Variants in TMEM117 observed in about 807,000 individuals in gnomAD.
TMEM117 encodes transmembrane protein 117.
Under a neutral mutation model 52.4 loss-of-function variants are expected in TMEM117, and 27 were observed. The observed-to-expected ratio is 0.51, with a 90% CI of 0.38 to 0.71. The LOEUF is 0.71. Ranked by LOEUF, TMEM117 falls within the 30% of genes least tolerant of loss-of-function variation. The probability of loss-of-function intolerance (pLI) is 0.00; values close to 1 mark genes in which losing one functional copy is unlikely to be tolerated. For synonymous variants in TMEM117, 215 were observed against 206.3 expected, an observed-to-expected ratio of 1.04 and a Z score of -0.36; for missense variants, 556 against 630.5, an observed-to-expected ratio of 0.88 and a Z score of 1.26.
At chr12:43,955,654 GA>G (rs951143684) in intron 3 of TMEM117, among the ~76,000 whole-genome samples, 30 of 152,292 alleles carry the variant, frequency 2.0e-4, no homozygotes, top group African/African-American at 7.2e-4. Context: ...CAGGCAGATG[GA>G]AAAACATTCC....
chr12:43,824,555 T>C, the TMEM117 span, among the ~76,000 whole-genome samples: 1 of 152,156 alleles, frequency 6.6e-6, no homozygotes, highest in Non-Finnish European at 1.5e-5. Flanking sequence ...CAAACCATTG[T>C]CATGCTTGCT....
chr12:43,994,434 C>T (rs931842996), intron 3 of TMEM117, among the ~76,000 whole-genome samples: 4 of 152,104 alleles, frequency 2.6e-5, no homozygotes, highest in African/African-American at 9.7e-5. Context: ...GATTTTAAGC[C>T]TAGCATTTGA....
chr12:44,089,589 T>C (rs1456413828), intron 3 of TMEM117, among the ~76,000 whole-genome samples: 1 of 152,152 alleles, frequency 6.6e-6, no homozygotes, highest in African/African-American at 2.4e-5. Context: ...TCTGCACTTT[T>C]GCTCATGTGA....
At chr12:44,190,388 A>C (rs1429593668) in intron 4 of TMEM117, among the ~76,000 whole-genome samples, 1 of 152,144 alleles carries the variant, frequency 6.6e-6, no homozygotes, top group Non-Finnish European at 1.5e-5. Context: ...ATTTAGAAAA[A>C]ATACAGAGTT....
intron 6 of TMEM117, among the ~76,000 whole-genome samples, chr12:44,321,883 A>C (rs1193405225): frequency 1.3e-5 from 2 of 152,234 alleles, no homozygotes; most frequent in African/African-American, 2.4e-5. Context: ...GTATCTTTAA[A>C]TATGCATTTA....
chr12:44,156,075 A>G (rs1467640829), intron 4 of TMEM117, among the ~76,000 whole-genome samples: 1 of 152,084 alleles, frequency 6.6e-6, no homozygotes, highest in African/African-American at 2.4e-5. Context: ...GCTTAGCACT[A>G]ATTCCACCCA....
At chr12:43,890,607 C>A (rs577879125) in intron 2 of TMEM117, among the ~76,000 whole-genome samples, 1 of 152,218 alleles carries the variant, frequency 6.6e-6, no homozygotes, top group Admixed American at 6.5e-5. Context: ...TCTCGGCTCA[C>A]TGCAACCTCC....
intron 3 of TMEM117, among the ~76,000 whole-genome samples, chr12:44,033,676 G>C (rs971323934): frequency 6.6e-6 from 1 of 152,164 alleles, no homozygotes; most frequent in Non-Finnish European, 1.5e-5. Flanking sequence ...CAGGCTTTTG[G>C]ATAATCATCT....
chr12:43,846,092 C>T (rs1943203092), intron 2 of TMEM117, among the ~76,000 whole-genome samples: 2 of 151,968 alleles, frequency 1.3e-5, no homozygotes, highest in Admixed American at 6.5e-5. Context: ...TAAACTTTTA[C>T]TCTCTCTCTC....
At chr12:44,118,080 G>C (rs924680162) in intron 3 of TMEM117, among the ~76,000 whole-genome samples, 1 of 151,270 alleles carries the variant, frequency 6.6e-6, no homozygotes, top group African/African-American at 2.4e-5. Context: ...AAGGAAATTG[G>C]GGCAGTTGTT....
At chr12:44,152,095 A>AAATATAT (rs1205488463) in intron 4 of TMEM117, among the ~76,000 whole-genome samples, 6 of 113,628 alleles carry the variant, frequency 5.3e-5, no homozygotes, top group Admixed American at 1.1e-4. Flanking sequence ...TTATAAACAT[A>AAATATAT]AATATATAAT....
At chr12:44,022,046 A>C (rs1166341310) in intron 3 of TMEM117, among the ~76,000 whole-genome samples, 1 of 152,222 alleles carries the variant, frequency 6.6e-6, no homozygotes, top group Non-Finnish European at 1.5e-5. Flanking sequence ...GGCATGAAGA[A>C]AATAAATCTA....
intron 3 of TMEM117, among the ~76,000 whole-genome samples, chr12:44,115,770 T>C (rs1009060024): frequency 8.5e-5 from 13 of 152,340 alleles, no homozygotes; most frequent in South Asian, 2.1e-4. Flanking sequence ...AGCTACTATG[T>C]GTACTATGCC....
chr12:44,030,161 C>G (rs1946610705), intron 3 of TMEM117, among the ~76,000 whole-genome samples: 1 of 152,096 alleles, frequency 6.6e-6, no homozygotes, highest in African/African-American at 2.4e-5. Flanking sequence ...GAAATAAAGA[C>G]AGTTTTAAAG....
chr12:43,807,367 G>A, the TMEM117 span, among the ~76,000 whole-genome samples: 5 of 152,166 alleles, frequency 3.3e-5, no homozygotes, highest in Non-Finnish European at 2.9e-5. Context: ...ACAAGGTTAT[G>A]TTCTATTGCC....
chr12:43,963,319 A>G (rs1255325591), intron 3 of TMEM117, among the ~76,000 whole-genome samples: 3 of 152,158 alleles, frequency 2.0e-5, no homozygotes, highest in Admixed American at 6.5e-5. Context: ...AATTTGATGT[A>G]CAAACTTACA....
intron 2 of TMEM117, among the ~76,000 whole-genome samples, chr12:43,891,517 C>T (rs1457646852): frequency 4.0e-5 from 6 of 151,788 alleles, no homozygotes; most frequent in African/African-American, 9.6e-5. Context: ...GGACTACAGG[C>T]ACCCACCACC....
rs1394201007 is a variant in TMEM117, at chr12:44,388,717, G to A, written c.*45G>A. On this transcript the variant is annotated 3_prime_UTR_variant, in exon 8 of 8. Transcript: ENST00000266534. ...GATAACACAAAAAGCAACCTTGAGT[G>A]TAACTTTAAAAATTTAGTCTTTCCT... 3 of 1,577,646 alleles carry A rather than the reference G, an allele frequency of 1.9e-6. No individual in the cohort carries two copies. In the Admixed American group the frequency reaches 5.7e-5, roughly 30 times the overall value.
At chr12:44,376,991 G>T (rs1213895525) in intron 7 of TMEM117, among the ~76,000 whole-genome samples, 1 of 152,122 alleles carries the variant, frequency 6.6e-6, no homozygotes, top group Non-Finnish European at 1.5e-5. Flanking sequence ...GATTAAGAAG[G>T]CTTGTCTGTT....
Sources: allele counts gnomAD v4.1 joint callset (sites outside exome capture counted in the v4.1 genomes callset), GRCh38; gene constraint gnomAD v4.1.1; transcripts MANE v1.5; gene names NCBI Gene and HGNC (gene_info 2026-07-23, HGNC 2026-07-21).